The following VPS53 variants were observed in gnomAD, a reference collection of about 807,000 sequenced individuals.
The protein encoded by VPS53 is vacuolar protein sorting-associated protein 53 homolog.
Under a neutral mutation model 107.0 loss-of-function variants are expected in VPS53, and 70 were observed. That is an observed-to-expected ratio of 0.65 (90% CI 0.54 to 0.80). VPS53 has a LOEUF of 0.80. Ranked by LOEUF, VPS53 falls within the 30% of genes least tolerant of loss-of-function variation. The probability of loss-of-function intolerance (pLI) is 0.00; values close to 1 mark genes in which losing one functional copy is unlikely to be tolerated. For synonymous variants in VPS53, 409 were observed against 393.3 expected, an observed-to-expected ratio of 1.04 and a Z score of -0.47; for missense variants, 917 against 1,049.4, an observed-to-expected ratio of 0.87 and a Z score of 1.74.
chr17:632,831 T>C, intron 7 of VPS53: 1 of 453,122 alleles, frequency 2.2e-6, no homozygotes, highest in Non-Finnish European at 4.4e-6. Context: ...AGCTGCAGTG[T>C]TTTGGGTTTC....
At chr17:688,117 C>T (rs1370911072) in intron 4 of VPS53, among the ~76,000 whole-genome samples, 1 of 152,096 alleles carries the variant, frequency 6.6e-6, no homozygotes, top group African/African-American at 2.4e-5. Flanking sequence ...AGACATGTCT[C>T]CCTGCCAAAA....
At chr17:704,766 A>T (rs1973337418) in intron 2 of VPS53, among the ~76,000 whole-genome samples, 1 of 151,506 alleles carries the variant, frequency 6.6e-6, no homozygotes, top group South Asian at 2.1e-4. Flanking sequence ...TCAGTAGTTT[A>T]AAAAAAAATA....
At chr17:533,000 A>G in intron 18 of VPS53, 89 bp from the exon 19 acceptor site, 1 of 1,514,844 alleles carries the variant, frequency 6.6e-7, no homozygotes, top group Non-Finnish European at 8.9e-7. Context: ...ATCTCCATGA[A>G]AAAACCTTTT....
At chr17:659,419 T>G (rs1302381002) in intron 5 of VPS53, among the ~76,000 whole-genome samples, 3 of 152,188 alleles carry the variant, frequency 2.0e-5, no homozygotes, top group Admixed American at 2.0e-4. Flanking sequence ...TAGCTGGGAT[T>G]ACAGGTGTGC....
intron 11 of VPS53, among the ~76,000 whole-genome samples, chr17:602,615 T>C (rs1226689312): frequency 6.6e-6 from 1 of 152,200 alleles, no homozygotes; most frequent in African/African-American, 2.4e-5. Flanking sequence ...ATGGTAGCTG[T>C]AGCTCCAACC....
At chr17:530,864 T>C (rs371039526) in intron 19 of VPS53, among the ~76,000 whole-genome samples, 18 of 152,188 alleles carry the variant, frequency 1.2e-4, no homozygotes, top group Admixed American at 8.5e-4. Context: ...TCACTTTATA[T>C]AGTACTCAGA....
chr17:629,229 G>A (rs1969839877), intron 8 of VPS53, among the ~76,000 whole-genome samples: 1 of 152,152 alleles, frequency 6.6e-6, no homozygotes, highest in African/African-American at 2.4e-5. Context: ...ACTCCATGCT[G>A]AGTGGTTTTT....
At chr17:714,343 C>T in intron 1 of VPS53, 1 of 457,510 alleles carries the variant, frequency 2.2e-6, no homozygotes, top group East Asian at 4.1e-5. Flanking sequence ...CCAAGGCCTG[C>T]ATTCTCCTAG....
chr17:710,788 A>G (rs1296701115), intron 1 of VPS53, among the ~76,000 whole-genome samples, 175 bp from the exon 2 acceptor site: 1 of 152,020 alleles, frequency 6.6e-6, no homozygotes, highest in Non-Finnish European at 1.5e-5. Context: ...ACTAAAAATA[A>G]AAACTTGGCT....
chr17:689,753 C>A (rs975938598), intron 4 of VPS53, among the ~76,000 whole-genome samples: 6 of 152,070 alleles, frequency 3.9e-5, no homozygotes, highest in African/African-American at 9.7e-5. Flanking sequence ...GGATTACAGG[C>A]GTAAGCTACC....
chr17:627,689 T>C (rs1014540148), intron 9 of VPS53, among the ~76,000 whole-genome samples: 2 of 151,992 alleles, frequency 1.3e-5, no homozygotes, highest in Admixed American at 6.6e-5. Flanking sequence ...GGCAGGAGAA[T>C]TGCTTGAACC....
In VPS53 at chr17:553,446, T is replaced by C. The variant is rs771416962; in HGVS notation, c.1721A>G (p.Lys574Arg). The change falls in exon 16 of 22, where the codon AAA (lysine) becomes AGA (arginine). Residue 574 changes from lysine (K) to arginine (R), a missense_variant. Coordinates refer to ENST00000437048, the MANE Select transcript of VPS53 (RefSeq NM_001128159.3). ...AATCAGACTTACATCCACTTTTTCT[T>C]TGAGTTTTTCTTCTAGCTGTTGAAA... ...ATTQQLEEKL[K>R]EKVDVSLIER... 1 of 1,613,998 alleles carries C rather than the reference T, an allele frequency of 6.2e-7. No individual in the cohort carries two copies. Among genetic ancestry groups the C allele is most frequent in the African/African-American group, 1.3e-5 (1 of 75,046 alleles).
chr17:666,057 C>T (rs570565103), intron 4 of VPS53, among the ~76,000 whole-genome samples: 224 of 152,178 alleles, frequency 1.5e-3, no homozygotes, highest in Non-Finnish European at 2.0e-3. Flanking sequence ...TTAAGTTGGA[C>T]ATAAGATTCT....
intron 11 of VPS53, among the ~76,000 whole-genome samples, chr17:604,100 T>C (rs1968450130): frequency 6.6e-6 from 1 of 152,212 alleles, no homozygotes; most frequent in South Asian, 2.1e-4. Flanking sequence ...CCTCATCTAT[T>C]GCTAAGTCTA....
chr17:709,140 C>A (rs543715854), intron 2 of VPS53, among the ~76,000 whole-genome samples: 1 of 152,170 alleles, frequency 6.6e-6, no homozygotes, highest in Admixed American at 6.5e-5. Context: ...AAAGGACCCT[C>A]CGCAGCACGC....
chr17:658,214 CCCATT>C, intron 5 of VPS53, among the ~76,000 whole-genome samples: 5 of 82,896 alleles, frequency 6.0e-5, no homozygotes, highest in Admixed American at 5.6e-4. Flanking sequence ...ATAGATACAT[CCCATT>C]GAAGTGAGAC....
At chr17:587,219 C>T (rs1352325365) in intron 12 of VPS53, among the ~76,000 whole-genome samples, 2 of 152,130 alleles carry the variant, frequency 1.3e-5, no homozygotes, top group African/African-American at 4.8e-5. Context: ...CACGCCACCA[C>T]ACCGAGCTAA....
intron 2 of VPS53, among the ~76,000 whole-genome samples, chr17:699,726 G>GA (rs1468667729): frequency 6.6e-6 from 1 of 152,222 alleles, no homozygotes; most frequent in African/African-American, 2.4e-5. Flanking sequence ...ACCTTTACAG[G>GA]AGAGTCTGCT....
At chr17:623,313 A>G (rs1969550605) in intron 11 of VPS53, among the ~76,000 whole-genome samples, 1 of 152,246 alleles carries the variant, frequency 6.6e-6, no homozygotes, top group Admixed American at 6.5e-5. Flanking sequence ...AAGAAAAATG[A>G]TGACAGGGCA....
Sources: allele counts gnomAD v4.1 joint callset (sites outside exome capture counted in the v4.1 genomes callset), GRCh38; gene constraint gnomAD v4.1.1; transcripts MANE v1.5; gene names NCBI Gene and HGNC (gene_info 2026-07-23, HGNC 2026-07-21).